Variants in SHISA9 observed in about 807,000 individuals in gnomAD.
SHISA9 encodes the protein protein shisa-9.
In SHISA9, 13 loss-of-function variants were observed where a neutral mutation model predicts 38.0. That is an observed-to-expected ratio of 0.34 (90% CI 0.22 to 0.54). The LOEUF is 0.54. SHISA9 is among the 20% of genes least tolerant of loss of function. The pLI is 0.91. For missense variants in SHISA9, 538 were observed against 575.8 expected, an observed-to-expected ratio of 0.93 and a Z score of 0.67; for synonymous variants, 275 against 242.0, an observed-to-expected ratio of 1.14 and a Z score of -1.27.
At chr16:13,463,271 T>C in the SHISA9 span, among the ~76,000 whole-genome samples, 8 of 152,280 alleles carry the variant, frequency 5.3e-5, no homozygotes, top group Middle Eastern at 3.4e-3. Context: ...ATTGCAATAG[T>C]TCAATCCTGA....
rs2051380895 is a variant in SHISA9 at position 13,236,095 on chromosome 16, T to A, written c.*686T>A. On this transcript the variant is annotated 3_prime_UTR_variant, in exon 5 of 5. Transcript: ENST00000558583. ...AACACACCCTCAAACTCACAGAAAG[T>A]AAATAGACCCTGAACCCACCGACAA... The A allele has an allele frequency of 6.6e-6, 1 of 151,948 alleles. No individual in the cohort carries two copies. The allele number at this position is 151,948 out of a possible 1,614,324, so 9.4% of individuals were successfully genotyped here. A position where few individuals can be genotyped will look rare whatever the true frequency, so the allele number is the denominator to read the frequency against.
At chr16:13,399,814 T>C in the SHISA9 span, among the ~76,000 whole-genome samples, 12 of 152,196 alleles carry the variant, frequency 7.9e-5, no homozygotes, top group African/African-American at 2.9e-4. Flanking sequence ...AGAATCTGCA[T>C]TTCTCATAAG....
the SHISA9 span, among the ~76,000 whole-genome samples, chr16:13,532,545 G>T: frequency 9.5e-6 from 1 of 105,236 alleles, no homozygotes; most frequent in Non-Finnish European, 1.9e-5. Flanking sequence ...ATAATACTAT[G>T]TGCGTGTGTG....
intron 1 of SHISA9, among the ~76,000 whole-genome samples, chr16:12,914,206 C>T (rs1277330595): frequency 2.6e-5 from 4 of 151,748 alleles, no homozygotes; most frequent in Admixed American, 1.3e-4. Flanking sequence ...CCACCACGCC[C>T]GGCTAATTTT....
In SHISA9 at chr16:13,183,952, C is replaced by T. The variant is rs182881854; in HGVS notation, c.692-19442C>T. On this transcript the variant is annotated intron_variant, in intron 2 of 4. Transcript: ENST00000558583. ...TAGCATTATGTTCTTGTGGGAGGGG[C>T]GGACAGAAACTCTTATTACTGGCAG... Among the ~76,000 whole-genome samples the T allele has an allele frequency of 1.8e-4, 27 of 152,118 alleles. No individual in the cohort carries two copies. The Middle Eastern group carries it at 0.01, about 57-fold the overall frequency.
At chr16:13,093,224 G>T (rs1458504684) in intron 2 of SHISA9, among the ~76,000 whole-genome samples, 1 of 152,108 alleles carries the variant, frequency 6.6e-6, no homozygotes, top group African/African-American at 2.4e-5. Context: ...TCAACCTAGG[G>T]TGACAAGATG....
At chr16:13,413,858 G>C in the SHISA9 span, among the ~76,000 whole-genome samples, 1 of 151,014 alleles carries the variant, frequency 6.6e-6, no homozygotes, top group African/African-American at 2.4e-5. Flanking sequence ...ATGTGAATCA[G>C]CTAGTTGCTA....
intron 2 of SHISA9, among the ~76,000 whole-genome samples, chr16:13,143,708 C>G (rs1010520372): frequency 1.3e-5 from 2 of 152,230 alleles, no homozygotes; most frequent in African/African-American, 4.8e-5. Flanking sequence ...GAATTCTCCC[C>G]CATGGGCCAA....
the SHISA9 span, among the ~76,000 whole-genome samples, chr16:13,336,902 A>C: frequency 6.6e-6 from 1 of 152,222 alleles, no homozygotes; most frequent in African/African-American, 2.4e-5. Context: ...ATATTAATAC[A>C]TGACTAAAGT....
At chr16:13,390,607 GA>G in the SHISA9 span, among the ~76,000 whole-genome samples, 529 of 152,316 alleles carry the variant, frequency 3.5e-3, 2 homozygotes, top group Non-Finnish European at 6.0e-3. Context: ...GCTTAGGCTT[GA>G]AATCACCTCC....
intron 3 of SHISA9, among the ~76,000 whole-genome samples, chr16:13,208,443 C>CTTT (rs71395107): frequency 1.4e-4 from 17 of 125,066 alleles, no homozygotes; most frequent in African/African-American, 3.4e-4. Context: ...CTTTTTTTTT[C>CTTT]TTTTTTTTTT....
the SHISA9 span, among the ~76,000 whole-genome samples, chr16:13,513,702 T>C: frequency 6.6e-6 from 1 of 152,074 alleles, no homozygotes; most frequent in African/African-American, 2.4e-5. Flanking sequence ...TGGATTAAGG[T>C]AGAAGCCATG....
the SHISA9 span, among the ~76,000 whole-genome samples, chr16:13,300,692 C>T: frequency 5.3e-5 from 8 of 152,278 alleles, no homozygotes; most frequent in East Asian, 9.7e-4. Context: ...GTCACTGACT[C>T]TTGTCTCCAC....
At chr16:13,033,227 C>T (rs1021525031) in intron 2 of SHISA9, among the ~76,000 whole-genome samples, 1 of 152,110 alleles carries the variant, frequency 6.6e-6, no homozygotes, top group African/African-American at 2.4e-5. Context: ...GGGTGACATA[C>T]CCTCCCCTAC....
chr16:13,059,407 G>A (rs1268600380), intron 2 of SHISA9, among the ~76,000 whole-genome samples: 3 of 152,064 alleles, frequency 2.0e-5, no homozygotes, highest in Non-Finnish European at 2.9e-5. Flanking sequence ...GATTACAGGC[G>A]TGAGCCACCG....
intron 2 of SHISA9, among the ~76,000 whole-genome samples, chr16:12,928,004 T>C (rs1242255213): frequency 6.6e-6 from 1 of 152,172 alleles, no homozygotes; most frequent in Non-Finnish European, 1.5e-5. Flanking sequence ...GAAAATTAAG[T>C]AAAAAGAAAC....
intron 2 of SHISA9, among the ~76,000 whole-genome samples, chr16:13,066,473 T>A (rs141808521): frequency 1.4e-3 from 212 of 152,328 alleles, no homozygotes; most frequent in African/African-American, 4.7e-3. Flanking sequence ...TTTGTTGTTG[T>A]TGCTGATGTT....
intron 2 of SHISA9, among the ~76,000 whole-genome samples, chr16:13,132,844 C>A (rs1266255414): frequency 6.6e-6 from 1 of 152,152 alleles, no homozygotes; most frequent in Non-Finnish European, 1.5e-5. Flanking sequence ...AGAAACTTTT[C>A]TGTTATAAAA....
the SHISA9 span, among the ~76,000 whole-genome samples, chr16:13,446,176 A>T: frequency 4.0e-5 from 6 of 151,582 alleles, no homozygotes; most frequent in Non-Finnish European, 8.8e-5. Context: ...CGGTCTCCTG[A>T]CCTCGTGATC....
Sources: gnomAD v4.1 joint callset for allele counts (sites outside exome capture counted in the v4.1 genomes callset) on GRCh38, gnomAD v4.1.1 for gene constraint, MANE v1.5 for transcripts, NCBI Gene and HGNC (gene_info 2026-07-23, HGNC 2026-07-21) for gene names.